Variants in HDAC4 observed in about 807,000 individuals in gnomAD.
The protein encoded by HDAC4 is histone deacetylase 4.
In HDAC4, 16 loss-of-function variants were observed where a neutral mutation model predicts 135.1. The observed-to-expected ratio is 0.12, with a 90% CI of 0.08 to 0.18. The LOEUF (loss-of-function observed/expected upper bound fraction) is 0.18. Among genes scored for constraint, HDAC4 ranks in the 10% least tolerant of loss-of-function variants. HDAC4 has a pLI of 1.00. For missense variants in HDAC4, 1,143 were observed against 1,511.8 expected (o/e 0.76, Z 4.05); for synonymous variants, 685 against 653.4 (o/e 1.05, Z -0.74).
At chr2:239,344,262 GT>G (rs1457183113) in intron 2 of HDAC4, among the ~76,000 whole-genome samples, 1 of 152,044 alleles carries the variant, frequency 6.6e-6, no homozygotes, top group Non-Finnish European at 1.5e-5. Flanking sequence ...CTCACACCGC[GT>G]TTTCTATGTC....
Position 239,139,982 on chromosome 2 carries a change from C to T in HDAC4, c.866-186G>A, listed in dbSNP as rs1036446033. Among the ~76,000 whole-genome samples, 1 of 152,224 alleles carries T rather than the reference C, an allele frequency of 6.6e-6. No homozygotes were observed. Among genetic ancestry groups the T allele is most frequent in the African/African-American group, 2.4e-5 (1 of 41,454 alleles). On this transcript the variant is annotated intron_variant, in intron 8 of 26. Coordinates refer to ENST00000543185, the MANE Select transcript of HDAC4 (RefSeq NM_001378414.1). This position sits in a 1 kb window ranked among gnomAD's most constrained non-coding sequence, Gnocchi z 5.3. Reference sequence around the variant, plus strand: ...AGTATGATGCTGATTTCTGATTTTCCAGTTTTGCCACTGACTTCACTTTTT... The same window carrying T: ...AGTATGATGCTGATTTCTGATTTTCTAGTTTTGCCACTGACTTCACTTTTT...
intron 2 of HDAC4, among the ~76,000 whole-genome samples, chr2:239,333,692 A>G (rs1192455031): frequency 3.3e-5 from 5 of 152,194 alleles, no homozygotes; most frequent in African/African-American, 4.8e-5. Flanking sequence ...GTTGAACCAA[A>G]TGAAAATACC....
rs764004984 is a variant in HDAC4 at position 239,068,442 on chromosome 2, T to C, written c.2869+47A>G. The C allele has an allele frequency of 5.2e-6, 7 of 1,341,924 alleles. No homozygotes were observed. Among genetic ancestry groups the C allele is most frequent in the South Asian group, 2.3e-5 (2 of 85,670 alleles). 83.1% of individuals were successfully genotyped at this position (1,341,924 alleles called of 1,614,324 possible). ...CTGACACGCGGAACACAGCGGATCATGGACATGAGCAGAACCGGCTCCTCA... is the reference window on the plus strand; with the variant it reads ...CTGACACGCGGAACACAGCGGATCACGGACATGAGCAGAACCGGCTCCTCA... On this transcript the variant is annotated intron_variant, in intron 23 of 26. Transcript: ENST00000543185. The surrounding 1 kb of genome is among the most constrained non-coding windows in gnomAD (Gnocchi z 4.4).
chr2:239,185,259 TA>T (rs1340436928), intron 4 of HDAC4, among the ~76,000 whole-genome samples: 1 of 126,866 alleles, frequency 7.9e-6, no homozygotes, highest in African/African-American at 2.7e-5. Flanking sequence ...TTGTGCCCTA[TA>T]GGGGTGCCTC....
intron 16 of HDAC4, among the ~76,000 whole-genome samples, chr2:239,095,946 G>A (rs1359330318): frequency 6.6e-6 from 1 of 152,180 alleles, no homozygotes; most frequent in Non-Finnish European, 1.5e-5. Context: ...GCTCCAGGGA[G>A]ACTGGCTTGA....
At chr2:239,120,221 G>A (rs1266612590) in intron 12 of HDAC4, among the ~76,000 whole-genome samples, 1 of 152,162 alleles carries the variant, frequency 6.6e-6, no homozygotes, top group Non-Finnish European at 1.5e-5. Flanking sequence ...TACGCAGGTG[G>A]AATAAAGTCA....
At chr2:239,103,340 GC>G (rs2037831170) in intron 15 of HDAC4, among the ~76,000 whole-genome samples, 1 of 152,082 alleles carries the variant, frequency 6.6e-6, no homozygotes, top group African/African-American at 2.4e-5. Context: ...ACCGCCCGGG[GC>G]CACAGCTGCC....
At chr2:239,375,019 G>C (rs1694908449) in intron 1 of HDAC4, among the ~76,000 whole-genome samples, 1 of 152,194 alleles carries the variant, frequency 6.6e-6, no homozygotes, top group Non-Finnish European at 1.5e-5. Flanking sequence ...GGACGGGTGG[G>C]TGTGAGCTAG....
At chr2:239,281,394 TC>T (rs2050736935) in intron 2 of HDAC4, among the ~76,000 whole-genome samples, 1 of 139,076 alleles carries the variant, frequency 7.2e-6, no homozygotes. Flanking sequence ...TACATGCCAC[TC>T]TACAATTTAC....
At chr2:239,095,479 C>T (rs920469769) in intron 16 of HDAC4, among the ~76,000 whole-genome samples, 30 of 152,160 alleles carry the variant, frequency 2.0e-4, no homozygotes, top group African/African-American at 6.8e-4. Context: ...TCTAGCAGCC[C>T]CCTCCCATGG....
chr2:239,335,519 A>AC (rs1185674621), intron 2 of HDAC4, among the ~76,000 whole-genome samples: 4 of 150,936 alleles, frequency 2.7e-5, no homozygotes, highest in Admixed American at 6.6e-5. Context: ...AAAAAAAAAA[A>AC]AAAAAAAAAA....
Position 239,141,459 on chromosome 2 carries a change from C to T in HDAC4, c.866-1663G>A, listed in dbSNP as rs554223756. Among the ~76,000 whole-genome samples the T allele has an allele frequency of 2.8e-4, 42 of 152,308 alleles. 1 individual carries two copies. Among genetic ancestry groups the T allele is most frequent in the African/African-American group, 9.1e-4 (38 of 41,578 alleles). On this transcript the variant is annotated intron_variant, in intron 8 of 26. Coordinates refer to ENST00000543185, the MANE Select transcript of HDAC4 (RefSeq NM_001378414.1). This position sits in a 1 kb window ranked among gnomAD's most constrained non-coding sequence, Gnocchi z 4.9. Reference sequence around the variant, plus strand: ...CTCTCACCCTCTCACTTCCACCAGACACTAACTCCAGAGGTAGGCTTCTCC... The same window carrying T: ...CTCTCACCCTCTCACTTCCACCAGATACTAACTCCAGAGGTAGGCTTCTCC...
intron 1 of HDAC4, among the ~76,000 whole-genome samples, chr2:239,358,639 T>C (rs1289290214): frequency 6.6e-6 from 1 of 152,242 alleles, no homozygotes; most frequent in Non-Finnish European, 1.5e-5. Flanking sequence ...TGTATGAGTT[T>C]ACACTTGAAT....
At chr2:239,380,545 T>C (rs1466297281) in intron 1 of HDAC4, among the ~76,000 whole-genome samples, 1 of 152,208 alleles carries the variant, frequency 6.6e-6, no homozygotes, top group Non-Finnish European at 1.5e-5. Flanking sequence ...AAAACTCTAA[T>C]TGAATAGCTA....
At chr2:239,072,887 CA>C (rs2034341218) in intron 22 of HDAC4, among the ~76,000 whole-genome samples, 1 of 152,328 alleles carries the variant, frequency 6.6e-6, no homozygotes, top group African/African-American at 2.4e-5. Context: ...AGGGCTTAAA[CA>C]CCAGGTGAAG....
chr2:239,177,581 G>C (rs1406632014), intron 4 of HDAC4, among the ~76,000 whole-genome samples: 2 of 152,176 alleles, frequency 1.3e-5, no homozygotes, highest in Non-Finnish European at 2.9e-5. Context: ...CCACCCAACA[G>C]CACCCTTAAG....
Position 239,104,884 on chromosome 2 carries a change from C to T in HDAC4, c.2113-1988G>A, listed in dbSNP as rs150086697. Among the ~76,000 whole-genome samples, 269 of 152,392 alleles carry T rather than the reference C, an allele frequency of 1.8e-3. 2 individuals are homozygous for T. The highest frequency in any genetic ancestry group is 5.7e-3 in the African/African-American group (236 of 41,602). ...AGAAGAAAAGTAGAAAAACCCTCTC[C>T]TTACAAACACATGAAATGGACACAG... is the stretch of plus-strand genomic sequence containing the variant. On this transcript the variant is annotated intron_variant, in intron 15 of 26. Coordinates refer to ENST00000543185, the MANE Select transcript of HDAC4 (RefSeq NM_001378414.1).
At chr2:239,086,932 AGATCAT>A (rs2036029458) in intron 19 of HDAC4, among the ~76,000 whole-genome samples, 1 of 152,186 alleles carries the variant, frequency 6.6e-6, no homozygotes, top group Non-Finnish European at 1.5e-5. Context: ...TTGACGGGAT[AGATCAT>A]TCATTCACCA....
At chr2:239,253,193 G>A (rs1468125050) in intron 2 of HDAC4, among the ~76,000 whole-genome samples, 1 of 152,206 alleles carries the variant, frequency 6.6e-6, no homozygotes, top group Non-Finnish European at 1.5e-5. Flanking sequence ...CTGCGTTAGC[G>A]TGGTAAAAAT....
Sources: gnomAD v4.1 joint callset for allele counts (sites outside exome capture counted in the v4.1 genomes callset) on GRCh38, gnomAD v4.1.1 for gene constraint, Gnocchi (gnomAD v3.1) non-coding constraint, MANE v1.5 for transcripts, NCBI Gene and HGNC (gene_info 2026-07-23, HGNC 2026-07-21) for gene names.